Variants in MEMO1 observed in about 807,000 individuals in gnomAD.
MEMO1 encodes protein MEMO1.
Under a neutral mutation model 45.2 loss-of-function variants are expected in MEMO1, and 6 were observed. The ratio of observed to expected loss-of-function variants is 0.13; its 90% CI spans 0.07 to 0.26. The LOEUF (loss-of-function observed/expected upper bound fraction) is 0.26. Among genes scored for constraint, MEMO1 ranks in the 10% least tolerant of loss-of-function variants. MEMO1 has a pLI of 1.00. For missense variants in MEMO1, 184 were observed against 370.5 expected (o/e 0.50, Z 4.13); for synonymous variants, 78 against 124.3 (o/e 0.63, Z 2.48).
At chr2:31,949,985 C>A (rs1666649812) in intron 2 of MEMO1, among the ~76,000 whole-genome samples, 2 of 152,120 alleles carry the variant, frequency 1.3e-5, no homozygotes. Context: ...TTAAGTATCA[C>A]TAAGAAGGAA....
At chr2:31,880,053 A>T (rs1675122138) in intron 8 of MEMO1, among the ~76,000 whole-genome samples, 1 of 152,160 alleles carries the variant, frequency 6.6e-6, no homozygotes. Context: ...CTATATTGTA[A>T]TGGCTTCTTT....
intron 2 of MEMO1, among the ~76,000 whole-genome samples, chr2:31,969,768 C>A (rs1254569848): frequency 1.3e-5 from 2 of 148,842 alleles, no homozygotes; most frequent in Admixed American, 1.3e-4. Flanking sequence ...CATCACTACA[C>A]CCAACTAACT....
intron 6 of MEMO1, among the ~76,000 whole-genome samples, chr2:31,895,836 TC>T (rs1316886285): frequency 3.6e-5 from 5 of 138,592 alleles, no homozygotes; most frequent in Non-Finnish European, 7.9e-5. Flanking sequence ...AAGAAAAAAA[TC>T]TTTTTTTTTT....
At chr2:31,919,338 A>T (rs1681932215) in intron 5 of MEMO1, among the ~76,000 whole-genome samples, 1 of 152,006 alleles carries the variant, frequency 6.6e-6, no homozygotes, top group South Asian at 2.1e-4. Context: ...TTTTTTGTAC[A>T]GATGGGGTTT....
chr2:31,933,340 A>ATATATAT (rs1664451090), intron 3 of MEMO1, among the ~76,000 whole-genome samples: 4 of 57,488 alleles, frequency 7.0e-5, no homozygotes, highest in African/African-American at 3.0e-4. Context: ...AAAAAAAAAA[A>ATATATAT]AAAAAAAAAT....
chr2:31,892,122 C>T lies in MEMO1; in HGVS notation c.450G>A (p.Glu150=). ...TAKAMESHKD[E]FTIIPVLVGA... ...CAACCAGTACAGGAATAATGGTAAA[C>T]TCATCCTTATGGCTTAAAGAAAACA... is the stretch of plus-strand genomic sequence containing the variant. The change falls in exon 7 of 10, where the codon GAG becomes GAA. Residue 150 remains glutamate (E), a synonymous_variant. Transcript: ENST00000404530. The T allele has an allele frequency of 6.3e-7, 1 of 1,594,040 alleles. No individual in the cohort carries two copies. Among genetic ancestry groups the T allele is most frequent in the Non-Finnish European group, 8.5e-7 (1 of 1,172,566 alleles).
At chr2:32,005,259 G>A (rs761091972) in intron 2 of MEMO1, among the ~76,000 whole-genome samples, 3 of 147,132 alleles carry the variant, frequency 2.0e-5, no homozygotes, top group Non-Finnish European at 3.0e-5. Context: ...AGTTGAGGCT[G>A]CAGTGAGCTA....
At chr2:31,990,329 T>C (rs1478422734) in intron 2 of MEMO1, among the ~76,000 whole-genome samples, 1 of 152,224 alleles carries the variant, frequency 6.6e-6, no homozygotes, top group Non-Finnish European at 1.5e-5. Context: ...TTCCGAAAGA[T>C]AGTTATTTTC....
chr2:31,904,310 T>A (rs1025180345), intron 6 of MEMO1, among the ~76,000 whole-genome samples: 1 of 152,242 alleles, frequency 6.6e-6, no homozygotes, highest in African/African-American at 2.4e-5. Flanking sequence ...GCTGAGATTG[T>A]TTGTAAACAA....
chr2:31,955,691 C>A (rs1429382445), intron 2 of MEMO1, among the ~76,000 whole-genome samples: 1 of 152,088 alleles, frequency 6.6e-6, no homozygotes, highest in Non-Finnish European at 1.5e-5. Context: ...TCACTGCAAC[C>A]TCCACCTCCA....
At position 31,941,611 on chromosome 2, in the gene MEMO1, G is replaced by C. The variant is rs965405663; in HGVS notation, c.143+1691C>G. Among the ~76,000 whole-genome samples the C allele has an allele frequency of 1.6e-4, 25 of 152,312 alleles. No individual in the cohort carries two copies. In the East Asian group the frequency reaches 4.4e-3, roughly 27 times the overall value. On this transcript the variant is annotated intron_variant, in intron 3 of 9. Transcript: ENST00000404530. Reference sequence around the variant, plus strand: ...TTGGCCTTTAGCCTGGTATGTAAATGACTAAATAAATAGTAGTAAGTCATT... The same window carrying C: ...TTGGCCTTTAGCCTGGTATGTAAATCACTAAATAAATAGTAGTAAGTCATT...
chr2:31,885,284 T>C (rs1676023925), intron 7 of MEMO1, among the ~76,000 whole-genome samples: 1 of 152,160 alleles, frequency 6.6e-6, no homozygotes, highest in African/African-American at 2.4e-5. Flanking sequence ...CACATCCAGC[T>C]ACTTTTTGTA....
At chr2:31,984,350 C>A (rs1171443983) in intron 2 of MEMO1, among the ~76,000 whole-genome samples, 1 of 152,296 alleles carries the variant, frequency 6.6e-6, no homozygotes, top group South Asian at 2.1e-4. Flanking sequence ...AAAAATCAGA[C>A]AAATCCAAAT....
At chr2:31,950,118 C>T (rs998904897) in intron 2 of MEMO1, among the ~76,000 whole-genome samples, 3 of 152,134 alleles carry the variant, frequency 2.0e-5, no homozygotes, top group African/African-American at 7.2e-5. Context: ...CAGTGGCTCA[C>T]GCCTGTAATC....
intron 3 of MEMO1, among the ~76,000 whole-genome samples, chr2:31,935,705 T>C (rs1012986887): frequency 1.3e-5 from 2 of 152,188 alleles, no homozygotes; most frequent in Admixed American, 1.3e-4. Context: ...AAAATCAGAA[T>C]AATGACAATC....
At chr2:31,948,751 T>G (rs2148347112) in intron 2 of MEMO1, among the ~76,000 whole-genome samples, 1 of 152,248 alleles carries the variant, frequency 6.6e-6, no homozygotes, top group Non-Finnish European at 1.5e-5. Flanking sequence ...ATACAAAATT[T>G]AGCCAGGCGT....
intron 2 of MEMO1, among the ~76,000 whole-genome samples, chr2:31,956,424 G>A (rs1046939625): frequency 1.3e-5 from 2 of 151,358 alleles, no homozygotes; most frequent in Non-Finnish European, 2.9e-5. Flanking sequence ...AAACAGATTT[G>A]TAAACATTAA....
At chr2:31,889,252 A>G (rs1676599000) in intron 7 of MEMO1, among the ~76,000 whole-genome samples, 1 of 152,100 alleles carries the variant, frequency 6.6e-6, no homozygotes, top group South Asian at 2.1e-4. Flanking sequence ...AGTGTACTGC[A>G]ATAATTTTTT....
chr2:32,004,885 C>T (rs960796053), intron 2 of MEMO1, among the ~76,000 whole-genome samples: 2 of 151,476 alleles, frequency 1.3e-5, no homozygotes, highest in African/African-American at 4.9e-5. Context: ...TGAGATCGCA[C>T]CACTGCACTC....
Sources: allele counts gnomAD v4.1 joint callset (sites outside exome capture counted in the v4.1 genomes callset), GRCh38; gene constraint gnomAD v4.1.1; transcripts MANE v1.5; gene names NCBI Gene and HGNC (gene_info 2026-07-23, HGNC 2026-07-21).